Variants in ANO3 observed in about 807,000 individuals in gnomAD.
ANO3 encodes the protein anoctamin 3.
A neutral mutation model predicts 144.8 loss-of-function variants in ANO3; 99 were observed. The observed-to-expected ratio is 0.68, with a 90% CI of 0.58 to 0.81. The LOEUF (loss-of-function observed/expected upper bound fraction) is 0.81, where lower values mean the gene tolerates loss of function less well. ANO3 is among the 30% of genes least tolerant of loss of function. The pLI is 0.00. For missense variants in ANO3, 905 were observed against 1,202.2 expected (o/e 0.75, Z 3.66); for synonymous variants, 414 against 392.6 (o/e 1.05, Z -0.64).
intron 1 of ANO3, among the ~76,000 whole-genome samples, chr11:26,418,654 A>G (rs1857661589): frequency 6.6e-6 from 1 of 152,086 alleles, no homozygotes; most frequent in African/African-American, 2.4e-5. Flanking sequence ...TCCTTCCATG[A>G]AGCAGGCAGG....
chr11:26,452,606 G>C (rs1483304986), intron 3 of ANO3, among the ~76,000 whole-genome samples: 2 of 152,170 alleles, frequency 1.3e-5, no homozygotes, highest in Non-Finnish European at 2.9e-5. Context: ...ACATCTGATT[G>C]GTATACCTGA....
chr11:26,564,730 CACATATATATATATATAT>C lies in ANO3; in HGVS notation c.1447+4953_1447+4970del, dbSNP rs1264648528. ...ACACACACACACACACACACACACACACATATATATATATATATATATATATATATATATATATATATA... is the reference window on the plus strand; with the variant it reads ...ACACACACACACACACACACACACACATATATATATATATATATATATATA... On this transcript the variant is annotated intron_variant, in intron 14 of 26. Transcript: ENST00000256737. Among the ~76,000 whole-genome samples the C allele has an allele frequency of 3.3e-3, 80 of 23,976 alleles. 1 individual carries two copies. The highest frequency in any genetic ancestry group is 3.3e-3 in the Admixed American group (6 of 1,826). 15.7% of individuals were successfully genotyped at this position (23,976 alleles called of 152,430 possible).
At chr11:26,314,174 C>T (rs1002705319) in intron 1 of ANO3, among the ~76,000 whole-genome samples, 7 of 152,014 alleles carry the variant, frequency 4.6e-5, no homozygotes, top group East Asian at 1.9e-4. Flanking sequence ...CCATGTTTTC[C>T]GTCTTATAAG....
chr11:26,489,993 T>C (rs1860636921), intron 4 of ANO3, among the ~76,000 whole-genome samples: 1 of 152,068 alleles, frequency 6.6e-6, no homozygotes, highest in African/African-American at 2.4e-5. Flanking sequence ...GCATGATTGG[T>C]TTTAAAATGT....
At chr11:26,211,188 T>A (rs1490218730) in intron 1 of ANO3, among the ~76,000 whole-genome samples, 1 of 151,968 alleles carries the variant, frequency 6.6e-6, no homozygotes, top group Non-Finnish European at 1.5e-5. Context: ...AAAATAGAAC[T>A]CAGGATGAAG....
At chr11:26,367,956 T>A (rs1003171360) in intron 1 of ANO3, among the ~76,000 whole-genome samples, 1 of 152,156 alleles carries the variant, frequency 6.6e-6, no homozygotes, top group Non-Finnish European at 1.5e-5. Context: ...AAACCATTCA[T>A]GAGAAATCCA....
chr11:26,317,963 A>G (rs1441986716), intron 1 of ANO3, among the ~76,000 whole-genome samples: 3 of 152,196 alleles, frequency 2.0e-5, no homozygotes, highest in South Asian at 2.1e-4. Context: ...TTGCAGGCAC[A>G]TGGATGAAGC....
intron 17 of ANO3, among the ~76,000 whole-genome samples, chr11:26,610,499 C>T (rs1852068756): frequency 6.6e-6 from 1 of 151,826 alleles, no homozygotes. Context: ...CTGTTGTTTC[C>T]TTTGCTGTGT....
upstream of ANO3, among the ~76,000 whole-genome samples, chr11:26,308,974 T>C (rs1315843828): frequency 6.6e-6 from 1 of 152,196 alleles, no homozygotes; most frequent in Non-Finnish European, 1.5e-5. Flanking sequence ...GAGTTTTTAA[T>C]CTCCCTAAGT....
intron 1 of ANO3, among the ~76,000 whole-genome samples, chr11:26,214,703 T>C (rs907001479): frequency 1.6e-4 from 25 of 151,988 alleles, no homozygotes; most frequent in African/African-American, 6.0e-4. Context: ...TATTAACATA[T>C]TGCATTAGTA....
rs749228554 is a variant in ANO3, at chr11:26,639,251, T to C, written c.2141+10T>C. The stretch of plus-strand genomic sequence containing the variant: ...TGGAACTAGGATACCCGTGAGCACA[T>C]TATTTTCAAACTTGCCTTATGTCTA... On this transcript the variant is annotated intron_variant, in intron 21 of 26. Coordinates refer to ENST00000256737, the MANE Select transcript of ANO3 (RefSeq NM_031418.4). 2 of 1,606,230 alleles carry C rather than the reference T, an allele frequency of 1.2e-6. No homozygotes were observed. Among genetic ancestry groups the C allele is most frequent in the Admixed American group, 1.7e-5 (1 of 59,950 alleles).
intron 1 of ANO3, among the ~76,000 whole-genome samples, chr11:26,280,684 A>G (rs555865941): frequency 6.6e-6 from 1 of 152,214 alleles, no homozygotes; most frequent in African/African-American, 2.4e-5. Flanking sequence ...TCACAGACAC[A>G]CCCAGGAAAA....
chr11:26,470,656 TA>T (rs538500610), intron 4 of ANO3, among the ~76,000 whole-genome samples: 7 of 152,020 alleles, frequency 4.6e-5, no homozygotes, highest in South Asian at 2.1e-4. Context: ...AAAGTGGCTG[TA>T]AAAAAATGTG....
chr11:26,217,137 C>T (rs1474797600), intron 1 of ANO3, among the ~76,000 whole-genome samples: 4 of 151,938 alleles, frequency 2.6e-5, no homozygotes, highest in Non-Finnish European at 5.9e-5. Flanking sequence ...AAATTGATCA[C>T]CACGTGATCA....
chr11:26,324,329 T>C (rs1265419842), intron 1 of ANO3, among the ~76,000 whole-genome samples: 1 of 152,162 alleles, frequency 6.6e-6, no homozygotes, highest in Non-Finnish European at 1.5e-5. Context: ...ACCTTGAGAC[T>C]GTGCAAGCCG....
upstream of ANO3, among the ~76,000 whole-genome samples, chr11:26,330,226 T>C (rs11029524): frequency 0.011 from 1,641 of 152,240 alleles, 27 homozygotes; most frequent in African/African-American, 0.038. Flanking sequence ...CACATCAGAA[T>C]GATCTGTAAG....
chr11:26,343,458 G>T (rs1217455390), intron 1 of ANO3, among the ~76,000 whole-genome samples: 1 of 152,024 alleles, frequency 6.6e-6, no homozygotes, highest in Non-Finnish European at 1.5e-5. Context: ...TATTTTGGGG[G>T]GTCCTCCATA....
intron 1 of ANO3, among the ~76,000 whole-genome samples, chr11:26,379,785 C>T (rs1856536907): frequency 6.6e-6 from 1 of 151,832 alleles, no homozygotes; most frequent in African/African-American, 2.4e-5. Context: ...AGTAAAACCC[C>T]GTTTCAAAAA....
intron 4 of ANO3, among the ~76,000 whole-genome samples, chr11:26,466,792 A>T (rs1859617940): frequency 6.6e-6 from 1 of 151,972 alleles, no homozygotes; most frequent in African/African-American, 2.4e-5. Context: ...TGCAAGAGAT[A>T]ATGGAGACAA....
Sources: allele counts gnomAD v4.1 joint callset (sites outside exome capture counted in the v4.1 genomes callset), GRCh38; gene constraint gnomAD v4.1.1; transcripts MANE v1.5; gene names NCBI Gene and HGNC (gene_info 2026-07-23, HGNC 2026-07-21).